DSCAM: variants seen among roughly 807,000 people sequenced by gnomAD.
DSCAM encodes DS cell adhesion molecule.
Under a neutral mutation model 217.7 loss-of-function variants are expected in DSCAM, and 47 were observed. That is an observed-to-expected ratio of 0.22 (90% CI 0.17 to 0.28). DSCAM has a LOEUF of 0.28. Ranked by LOEUF, DSCAM falls within the 10% of genes least tolerant of loss-of-function variation. The pLI is 1.00. For missense variants in DSCAM, 2,080 were observed against 2,618.3 expected (o/e 0.79, Z 4.49); for synonymous variants, 1,056 against 1,015.3 (o/e 1.04, Z -0.76).
chr21:40,724,542 A>C (rs1325696584), intron 1 of DSCAM, among the ~76,000 whole-genome samples: 5 of 152,180 alleles, frequency 3.3e-5, no homozygotes, highest in Non-Finnish European at 7.4e-5. Context: ...TGGCAATGTG[A>C]AATAGCAACA....
intron 4 of DSCAM, among the ~76,000 whole-genome samples, chr21:40,360,089 C>T (rs796933034): frequency 1.4e-5 from 2 of 144,388 alleles, no homozygotes; most frequent in South Asian, 2.2e-4. Flanking sequence ...AGATCCTGTT[C>T]CTCAGGTAGT....
chr21:40,745,242 G>A (rs908669971), intron 1 of DSCAM, among the ~76,000 whole-genome samples: 1 of 152,052 alleles, frequency 6.6e-6, no homozygotes, highest in Non-Finnish European at 1.5e-5. Context: ...GCATGTTTAA[G>A]GAAATAATCG....
chr21:40,429,145 A>T (rs930771671), intron 3 of DSCAM, among the ~76,000 whole-genome samples: 1 of 152,228 alleles, frequency 6.6e-6, no homozygotes, highest in Non-Finnish European at 1.5e-5. Context: ...AAAATATAAT[A>T]ATGTTTTTCA....
intron 3 of DSCAM, among the ~76,000 whole-genome samples, chr21:40,524,781 TG>T (rs1404943240): frequency 5.9e-5 from 9 of 151,786 alleles, no homozygotes. Flanking sequence ...GAGGACGAGG[TG>T]GGCGGATCAT....
intron 1 of DSCAM, among the ~76,000 whole-genome samples, chr21:40,798,215 G>A (rs1389785400): frequency 6.6e-6 from 1 of 151,890 alleles, no homozygotes; most frequent in African/African-American, 2.4e-5. Flanking sequence ...CCACCACGAA[G>A]AAGGAAATAT....
At chr21:40,037,337 T>C (rs2088645032) in intron 32 of DSCAM, among the ~76,000 whole-genome samples, 1 of 149,572 alleles carries the variant, frequency 6.7e-6, no homozygotes, top group African/African-American at 2.5e-5. Flanking sequence ...ACAAAATCAA[T>C]GTACAAAAGT....
intron 11 of DSCAM, among the ~76,000 whole-genome samples, chr21:40,216,391 G>C (rs916574675): frequency 3.3e-5 from 5 of 152,032 alleles, no homozygotes; most frequent in Non-Finnish European, 7.3e-5. Context: ...TGGGATTTCA[G>C]GCATGAACAA....
rs79855637 is a variant in DSCAM, at chr21:40,187,315, C to T, written c.2651-56G>A. ...GTTCAAACAGAGCTCTGACATAAAA[C>T]GCTAGTGGAAATGCTGAGCGTGACT... On this transcript the variant is annotated intron_variant, in intron 13 of 32. Transcript: ENST00000400454. 1.2e-3 allele frequency: 1,911 copies of T among 1,601,116 alleles called. 16 individuals carry two copies. The African/African-American group carries it at 0.023, about 19-fold the overall frequency.
chr21:40,353,943 A>G (rs1245859444), intron 4 of DSCAM, among the ~76,000 whole-genome samples, 200 bp from the exon 5 acceptor site: 1 of 152,222 alleles, frequency 6.6e-6, no homozygotes, highest in Non-Finnish European at 1.5e-5. Context: ...CAAAAGGTTG[A>G]ACACTGGTCA....
chr21:40,356,136 A>C (rs1306320344), intron 4 of DSCAM, among the ~76,000 whole-genome samples: 1 of 152,132 alleles, frequency 6.6e-6, no homozygotes, highest in Non-Finnish European at 1.5e-5. Context: ...TTTCCTTTGG[A>C]TATATACCCA....
rs552459196 is a variant in DSCAM at position 40,766,469 on chromosome 21, T to TA, written c.44-57699dup. Among the ~76,000 whole-genome samples the TA allele has an allele frequency of 1.6e-3, 250 of 152,076 alleles. 1 individual carries two copies. Among genetic ancestry groups the TA allele is most frequent in the African/African-American group, 5.7e-3 (236 of 41,486 alleles). On this transcript the variant is annotated intron_variant, in intron 1 of 32. Transcript: ENST00000400454. ...GACATTCAATATCAATACTGAACAT[T>TA]AACATTGAGGCTTGGTATCATTTAC...
At chr21:40,649,185 C>T (rs781040071) in intron 3 of DSCAM, among the ~76,000 whole-genome samples, 1 of 152,212 alleles carries the variant, frequency 6.6e-6, no homozygotes, top group African/African-American at 2.4e-5. Context: ...ACCCAGAAGC[C>T]AGCACTTTTC....
At position 40,262,809 on chromosome 21, in the gene DSCAM, C is replaced by T. The variant is rs560553847; in HGVS notation, c.2356+13288G>A. Among the ~76,000 whole-genome samples the T allele has an allele frequency of 1.4e-4, 21 of 152,348 alleles. No homozygotes were observed. In the South Asian group the frequency reaches 2.9e-3, roughly 21 times the overall value. On this transcript the variant is annotated intron_variant, in intron 11 of 32. Coordinates refer to ENST00000400454, the MANE Select transcript of DSCAM (RefSeq NM_001389.5). ...AATCCCAGCTCAGAGGCTTGGCTGA[C>T]TGTGCCTAATACCGTGCTTGGCACA...
chr21:40,767,468 C>T (rs1194964375), intron 1 of DSCAM, among the ~76,000 whole-genome samples: 1 of 152,110 alleles, frequency 6.6e-6, no homozygotes, highest in Admixed American at 6.5e-5. Flanking sequence ...TGCACCTTCG[C>T]CTGATGCCCA....
intron 9 of DSCAM, among the ~76,000 whole-genome samples, chr21:40,297,979 G>T (rs1357876606): frequency 1.3e-5 from 2 of 152,054 alleles, no homozygotes; most frequent in Non-Finnish European, 2.9e-5. Flanking sequence ...GGATTGTTAA[G>T]ATGATCAAAT....
At chr21:40,721,122 G>T (rs919709486) in intron 1 of DSCAM, among the ~76,000 whole-genome samples, 5 of 152,110 alleles carry the variant, frequency 3.3e-5, no homozygotes, top group Non-Finnish European at 7.4e-5. Context: ...AGCTGCAGGG[G>T]ACAAATTAAT....
At chr21:40,677,342 A>G (rs1395541993) in intron 3 of DSCAM, among the ~76,000 whole-genome samples, 1 of 152,110 alleles carries the variant, frequency 6.6e-6, no homozygotes, top group Non-Finnish European at 1.5e-5. Context: ...TCCAACATCT[A>G]TATCAGGCAT....
chr21:40,277,792 C>T (rs2073707494), intron 10 of DSCAM, among the ~76,000 whole-genome samples: 1 of 148,628 alleles, frequency 6.7e-6, no homozygotes, highest in Non-Finnish European at 1.5e-5. Flanking sequence ...CTGCTTGAAC[C>T]TGGGAGGCAG....
At chr21:40,824,335 A>G in intron 1 of DSCAM, among the ~76,000 whole-genome samples, 1 of 152,006 alleles carries the variant, frequency 6.6e-6, no homozygotes, top group Non-Finnish European at 1.5e-5. Flanking sequence ...CGAATCTTCA[A>G]TTCAATTCCA....
Sources: allele counts gnomAD v4.1 joint callset (sites outside exome capture counted in the v4.1 genomes callset), GRCh38; gene constraint gnomAD v4.1.1; transcripts MANE v1.5; gene names NCBI Gene and HGNC (gene_info 2026-07-23, HGNC 2026-07-21).